Variants in NBEA observed in about 807,000 individuals in gnomAD.
NBEA encodes lysosomal-trafficking regulator 2.
In NBEA, 44 loss-of-function variants were observed where a neutral mutation model predicts 343.4. The ratio of observed to expected loss-of-function variants is 0.13; its 90% CI spans 0.10 to 0.16. The LOEUF is 0.16. Ranked by LOEUF, NBEA falls within the 10% of genes least tolerant of loss-of-function variation. NBEA has a pLI of 1.00. For missense variants in NBEA, 2,555 were observed against 3,631.3 expected, an observed-to-expected ratio of 0.70 and a Z score of 7.62; for synonymous variants, 1,175 against 1,238.7, an observed-to-expected ratio of 0.95 and a Z score of 1.08.
intron 27 of NBEA, among the ~76,000 whole-genome samples, chr13:35,175,779 G>A (rs935819085): frequency 4.6e-5 from 7 of 151,836 alleles, no homozygotes; most frequent in African/African-American, 1.7e-4. Flanking sequence ...GAAGTAAATC[G>A]AGTAATTTTT....
intron 10 of NBEA, among the ~76,000 whole-genome samples, chr13:35,094,797 T>G (rs1026901649): frequency 5.3e-5 from 8 of 152,012 alleles, no homozygotes; most frequent in Non-Finnish European, 1.2e-4. Flanking sequence ...AAATTAGGCT[T>G]AAGAGATGAA....
chr13:35,266,434 G>A (rs1211875400), intron 34 of NBEA, among the ~76,000 whole-genome samples: 1 of 151,712 alleles, frequency 6.6e-6, no homozygotes, highest in East Asian at 1.9e-4. Flanking sequence ...TGTGTACTCA[G>A]TTTAAGTGTC....
intron 1 of NBEA, among the ~76,000 whole-genome samples, chr13:35,015,489 GTA>G (rs2061626458): frequency 6.6e-6 from 1 of 151,846 alleles, no homozygotes; most frequent in South Asian, 2.1e-4. Flanking sequence ...CTAACAAACA[GTA>G]TATACAACTA....
At chr13:35,539,902 C>T (rs1285127759) in intron 41 of NBEA, among the ~76,000 whole-genome samples, 4 of 80,984 alleles carry the variant, frequency 4.9e-5, no homozygotes, top group Non-Finnish European at 9.0e-5. Context: ...GGCGACAGAG[C>T]AAGACTCCGT....
At chr13:34,993,388 T>A (rs1328578364) in intron 1 of NBEA, among the ~76,000 whole-genome samples, 2 of 152,256 alleles carry the variant, frequency 1.3e-5, no homozygotes, top group Non-Finnish European at 2.9e-5. Flanking sequence ...CAATGTAAGA[T>A]GTATAATGCA....
At position 35,178,197 on chromosome 13, in the gene NBEA, C is replaced by G. The variant is rs180703067; in HGVS notation, c.4662+1094C>G. ...CTGGGTGCAGTGAAAGCTGCTCTGT[C>G]AAATATCACTGGTGTTTGAGCTTTC... is the stretch of plus-strand genomic sequence containing the variant. On this transcript the variant is annotated intron_variant, in intron 28 of 58. Coordinates refer to ENST00000379939, the MANE Select transcript of NBEA (RefSeq NM_001385012.1). Among the ~76,000 whole-genome samples, 956 of 151,788 alleles carry G rather than the reference C, an allele frequency of 6.3e-3. 12 individuals are homozygous for G. The highest frequency in any genetic ancestry group is 0.022 in the African/African-American group (903 of 41,502).
intron 38 of NBEA, among the ~76,000 whole-genome samples, chr13:35,383,814 C>T (rs1218100403): frequency 9.9e-5 from 15 of 151,938 alleles, no homozygotes; most frequent in Admixed American, 9.8e-4. Flanking sequence ...AAATTTTTAT[C>T]AGTATTTTTA....
At position 35,583,976 on chromosome 13, in the gene NBEA, C is replaced by T. The variant is rs1566362680; in HGVS notation, c.7114C>T (p.Pro2372Ser). ...YETWEDDQSP[P>S]YHYNTHYSTA... ...GACATGGGAAGATGATCAAAGCCCA[C>T]CCTACCATTATAATACCCATTATTC... is the stretch of plus-strand genomic sequence containing the variant. The change falls in exon 46 of 59, where the codon CCC becomes TCC. Residue 2372 changes from proline (P) to serine (S), a missense_variant. Pro to Ser is a moderately conservative substitution (Grantham distance 74, BLOSUM62 -1). Around this residue, in one of 21 missense-constraint regions of NBEA, gnomAD observed 156 missense variants for 185.8 expected, o/e 0.84. Transcript: ENST00000379939. 1 of 1,613,252 alleles carries T rather than the reference C, an allele frequency of 6.2e-7. No individual in the cohort carries two copies. The highest frequency in any genetic ancestry group is 8.5e-7 in the Non-Finnish European group (1 of 1,179,358).
chr13:35,226,089 C>T (rs187488449), intron 33 of NBEA, among the ~76,000 whole-genome samples: 164 of 152,210 alleles, frequency 1.1e-3, no homozygotes, highest in Non-Finnish European at 1.7e-3. Context: ...GGGGAATATT[C>T]TTGATAACAC....
At chr13:35,467,076 C>T (rs2075414546) in intron 40 of NBEA, among the ~76,000 whole-genome samples, 2 of 152,116 alleles carry the variant, frequency 1.3e-5, no homozygotes, top group Non-Finnish European at 2.9e-5. Context: ...AAAGTTACAA[C>T]TTTATTATAT....
intron 1 of NBEA, among the ~76,000 whole-genome samples, chr13:35,016,567 C>T (rs955638448): frequency 6.9e-6 from 1 of 145,672 alleles, no homozygotes. Flanking sequence ...CAAGCTCCAC[C>T]GTCCTTCAGC....
chr13:35,044,096 CATT>C (rs947991081), intron 2 of NBEA, among the ~76,000 whole-genome samples: 9 of 152,168 alleles, frequency 5.9e-5, no homozygotes, highest in Admixed American at 3.3e-4. Flanking sequence ...TAATTTTTCT[CATT>C]ATTAGGTGTG....
intron 29 of NBEA, among the ~76,000 whole-genome samples, chr13:35,183,013 G>A (rs1238089356): frequency 1.3e-5 from 2 of 151,878 alleles, no homozygotes; most frequent in Non-Finnish European, 2.9e-5. Context: ...TCAAACATGT[G>A]TTCTAAACTT....
intron 38 of NBEA, among the ~76,000 whole-genome samples, chr13:35,415,928 T>G (rs1323273589): frequency 1.3e-5 from 2 of 152,152 alleles, no homozygotes; most frequent in Non-Finnish European, 2.9e-5. Context: ...GGTTTGTAGT[T>G]CTCCTTGAAG....
chr13:35,395,451 G>A (rs535664392), intron 38 of NBEA, among the ~76,000 whole-genome samples: 1 of 151,966 alleles, frequency 6.6e-6, no homozygotes, highest in Non-Finnish European at 1.5e-5. Flanking sequence ...GTTTCCTGAG[G>A]CCTCACCAGA....
rs146505859 is a variant in NBEA, at chr13:35,412,488, A to T, written c.6180-19781A>T. Reference sequence around the variant, plus strand: ...TTCCTTCAATTTGGCAAAAATTTTAACTATAAGTTTGTTTTTATTATGAAA... The same window carrying T: ...TTCCTTCAATTTGGCAAAAATTTTATCTATAAGTTTGTTTTTATTATGAAA... On this transcript the variant is annotated intron_variant, in intron 38 of 58. Coordinates refer to ENST00000379939, the MANE Select transcript of NBEA (RefSeq NM_001385012.1). 2.2e-3 allele frequency among the ~76,000 whole-genome samples: 340 copies of T among 152,230 alleles called. 2 individuals are homozygous for T. Among genetic ancestry groups the T allele is most frequent in the Middle Eastern group, 6.8e-3 (2 of 294 alleles).
At chr13:35,053,578 C>T (rs1164256018) in intron 6 of NBEA, among the ~76,000 whole-genome samples, 2 of 151,928 alleles carry the variant, frequency 1.3e-5, no homozygotes, top group African/African-American at 2.4e-5. Flanking sequence ...GTGAAACTTC[C>T]TTGAGTGTGT....
At chr13:35,078,755 T>C (rs2064233788) in intron 10 of NBEA, among the ~76,000 whole-genome samples, 1 of 152,126 alleles carries the variant, frequency 6.6e-6, no homozygotes, top group South Asian at 2.1e-4. Flanking sequence ...TCCTGAAGAC[T>C]TGAGGCAAGC....
chr13:35,333,273 TGAA>T (rs1163462067), intron 36 of NBEA, among the ~76,000 whole-genome samples: 2 of 152,126 alleles, frequency 1.3e-5, no homozygotes, highest in Admixed American at 6.6e-5. Flanking sequence ...CCATTAAAAA[TGAA>T]GAAGAATATT....
Sources: gnomAD v4.1 joint callset for allele counts (sites outside exome capture counted in the v4.1 genomes callset) on GRCh38, gnomAD v4.1.1 for gene constraint, gnomAD v4.1.1 regional missense constraint, MANE v1.5 for transcripts, NCBI Gene and HGNC (gene_info 2026-07-23, HGNC 2026-07-21) for gene names.